TUT1: variants seen among roughly 807,000 people sequenced by gnomAD.
TUT1 encodes terminal uridylyl transferase 1, U6 snRNA-specific.
In TUT1, 26 loss-of-function variants were observed where a neutral mutation model predicts 48.8. The observed-to-expected ratio is 0.53, with a 90% CI of 0.39 to 0.74. The LOEUF is 0.74. TUT1 is among the 30% of genes least tolerant of loss of function. The pLI, the probability that TUT1 is intolerant of heterozygous loss-of-function variation, is 0.00. For synonymous variants in TUT1, 470 were observed against 460.8 expected (o/e 1.02, Z -0.26); for missense variants, 1,065 against 1,114.8 (o/e 0.96, Z 0.64).
chr11:62,575,723 G>C lies in TUT1; in HGVS notation c.1996C>G (p.Gln666Glu). Residue 666 changes from glutamine (Q) to glutamate (E), a missense_variant, in exon 9 of 9, where the codon CAG becomes GAG. Physicochemically the swap from Gln to Glu is conservative, Grantham distance 29. Transcript: ENST00000476907. ...TTCCCCTCCTCACAGCAGTTTTTCT[G>C]TCCATCTACTTTGAGTCTTTTGCTT... ...GTSKRLKVDG[Q>E]KNCCEEGKEE... The C allele has an allele frequency of 6.2e-7, 1 of 1,614,076 alleles. No individual in the cohort carries two copies.
chr11:62,578,520 G>A (rs1941767897), intron 5 of TUT1, 41 bp downstream of exon 5: 2 of 1,533,250 alleles, frequency 1.3e-6, no homozygotes, highest in East Asian at 2.3e-5. Flanking sequence ...ACTCCAGCCT[G>A]GGCAACGAGT....
At chr11:62,582,564 T>G (rs1248955999) in intron 2 of TUT1, 1 of 454,826 alleles carries the variant, frequency 2.2e-6, no homozygotes, top group Non-Finnish European at 4.4e-6. Flanking sequence ...ATTGCACCAC[T>G]ACACACCAGC....
At chr11:62,579,527 A>T (rs1367058842) in intron 4 of TUT1, among the ~76,000 whole-genome samples, 9 of 151,680 alleles carry the variant, frequency 5.9e-5, no homozygotes, top group African/African-American at 1.5e-4. Flanking sequence ...ATAAATAGAG[A>T]GTGTGTGTGT....
intron 2 of TUT1, 57 bp downstream of exon 2, chr11:62,588,974 G>C: frequency 6.5e-7 from 1 of 1,527,234 alleles, no homozygotes; most frequent in South Asian, 1.2e-5. Context: ...GATTACAGGC[G>C]TGAGCCATCG....
intron 1 of TUT1, among the ~76,000 whole-genome samples, chr11:62,590,274 C>T (rs1941987606): frequency 1.3e-5 from 2 of 152,218 alleles, no homozygotes; most frequent in Admixed American, 1.3e-4. Flanking sequence ...GGGAAGATCG[C>T]TTGAGGCCAG....
chr11:62,588,380 C>T (rs571815922), intron 2 of TUT1, among the ~76,000 whole-genome samples: 1 of 152,248 alleles, frequency 6.6e-6, no homozygotes, highest in Non-Finnish European at 1.5e-5. Context: ...ATGGTGAAAC[C>T]CTGTCTCTAC....
intron 1 of TUT1, among the ~76,000 whole-genome samples, chr11:62,590,344 T>C (rs1047505633): frequency 3.9e-5 from 6 of 152,136 alleles, no homozygotes; most frequent in African/African-American, 1.4e-4. Flanking sequence ...AACTAAAAAA[T>C]TTGCCAAGTA....
intron 8 of TUT1, 167 bp downstream of exon 8, chr11:62,576,487 ACTT>A: frequency 1.3e-6 from 1 of 789,500 alleles, no homozygotes; most frequent in Non-Finnish European, 2.0e-6. Flanking sequence ...TGGGCAAGTC[ACTT>A]AATTGCTCCC....
chr11:62,580,108 C>G (rs939287121), intron 4 of TUT1, among the ~76,000 whole-genome samples: 1 of 152,076 alleles, frequency 6.6e-6, no homozygotes, highest in Admixed American at 6.6e-5. Context: ...GACCCTATTT[C>G]TAAGTAATAA....
rs113535401 is a variant in TUT1, at chr11:62,576,451, C to T, written c.1474+206G>A. ...ACATGATGTCCTTGCCCAGATGCTG[C>T]TGCTCCTTGCTAGCCAGTGTAACCT... On this transcript the variant is annotated intron_variant, in intron 8 of 8. Transcript: ENST00000476907. The T allele has an allele frequency of 1.7e-4, 130 of 783,092 alleles. 2 individuals carry two copies. In the African/African-American group the frequency reaches 1.9e-3, roughly 11 times the overall value. 48.5% of individuals were successfully genotyped at this position (783,092 alleles called of 1,614,324 possible).
chr11:62,577,848 G>A (rs1240457623), intron 5 of TUT1, among the ~76,000 whole-genome samples: 2 of 151,920 alleles, frequency 1.3e-5, no homozygotes, highest in Non-Finnish European at 2.9e-5. Flanking sequence ...GATCACCTGA[G>A]GTCAGGAGTT....
chr11:62,584,515 C>T (rs927152123), intron 2 of TUT1, among the ~76,000 whole-genome samples: 2 of 149,156 alleles, frequency 1.3e-5, no homozygotes, highest in African/African-American at 2.5e-5. Flanking sequence ...GATCTTGGCT[C>T]ACAGCAACCT....
chr11:62,579,218 A>G (rs1941786687), intron 4 of TUT1, among the ~76,000 whole-genome samples, 188 bp from the exon 5 acceptor site: 1 of 152,106 alleles, frequency 6.6e-6, no homozygotes, highest in South Asian at 2.1e-4. Flanking sequence ...TAAAAGGTCT[A>G]CCTCTGCAAA....
At position 62,575,470 on chromosome 11, in the gene TUT1, G is replaced by A. The variant is rs1384075424; in HGVS notation, c.2249C>T (p.Ser750Phe). The change falls in exon 9 of 9, where the codon TCT becomes TTT. Residue 750 changes from serine (S) to phenylalanine (F), a missense_variant. By Grantham distance (155) the Ser-to-Phe change is radical. Coordinates refer to ENST00000476907, the MANE Select transcript of TUT1 (RefSeq NM_022830.3). ...TGCCCCCTTCCCTGCCTCACCCTGAGACCATTCTTGGGCTGCCTCATGTCC... is the reference window on the plus strand; with the variant it reads ...TGCCCCCTTCCCTGCCTCACCCTGAAACCATTCTTGGGCTGCCTCATGTCC... ...PKGHEAAQEW[S>F]QGEAGKGASL... 2 of 1,611,976 alleles carry A rather than the reference G, an allele frequency of 1.2e-6. No individual in the cohort carries two copies. The highest frequency in any genetic ancestry group is 1.7e-6 in the Non-Finnish European group (2 of 1,180,022).
chr11:62,584,504 C>T (rs1010061065), intron 2 of TUT1, among the ~76,000 whole-genome samples: 4 of 149,240 alleles, frequency 2.7e-5, no homozygotes, highest in Admixed American at 6.7e-5. Flanking sequence ...TGCAGTGGCA[C>T]GATCTTGGCT....
chr11:62,577,318 T>C (rs765630233), intron 5 of TUT1, 27 bp from the exon 6 acceptor site: 1 of 1,585,068 alleles, frequency 6.3e-7, no homozygotes, highest in South Asian at 1.1e-5. Context: ...ACAAGGGTGT[T>C]AGCGCTTGGG....
chr11:62,591,098 C>A (rs1005856308), intron 1 of TUT1, among the ~76,000 whole-genome samples: 1 of 151,978 alleles, frequency 6.6e-6, no homozygotes. Context: ...CATCTCTGAA[C>A]CCCCCTCCCC....
intron 2 of TUT1, among the ~76,000 whole-genome samples, chr11:62,587,956 T>A (rs1438983853): frequency 1.3e-5 from 2 of 152,246 alleles, no homozygotes; most frequent in Non-Finnish European, 2.9e-5. Flanking sequence ...GTACCCTCAG[T>A]GTAAGTTAAT....
Position 62,578,814 on chromosome 11 carries a change from G to A in TUT1, c.907C>T (p.Gln303Ter), listed in dbSNP as rs780405836. 1 of 1,614,112 alleles carries A rather than the reference G, an allele frequency of 6.2e-7. No individual in the cohort carries two copies. The highest frequency in any genetic ancestry group is 8.5e-7 in the Non-Finnish European group (1 of 1,180,010). ...ALASETLASPQSLPPASPLLE... is the reference protein window; with the variant it reads ...ALASETLASP ...AGTGGTGAAGCTGGAGGCAGAGACT[G>A]GGGAGAAGCAAGGGTCTCGGAGGCC... is the stretch of plus-strand genomic sequence containing the variant. The change falls in exon 5 of 9, where the codon CAG (glutamine) becomes TAG (stop). Residue 303 changes from glutamine (Q) to a stop codon, truncating the protein, a stop_gained. Transcript: ENST00000476907. LOFTEE classifies it high-confidence loss of function.
Sources: allele counts gnomAD v4.1 joint callset (sites outside exome capture counted in the v4.1 genomes callset), GRCh38; gene constraint gnomAD v4.1.1; transcripts MANE v1.5; gene names NCBI Gene and HGNC (gene_info 2026-07-23, HGNC 2026-07-21).